The following MASTL variants were observed in gnomAD, a reference collection of about 807,000 sequenced individuals.
MASTL encodes microtubule associated serine/threonine kinase like.
MASTL carries 54 observed loss-of-function variants against 82.5 expected under a neutral mutation model. That is an observed-to-expected ratio of 0.65 (90% confidence interval 0.53 to 0.82). The LOEUF (loss-of-function observed/expected upper bound fraction) is 0.82, where lower values mean the gene tolerates loss of function less well. MASTL is among the 40% of genes least tolerant of loss of function. The probability of loss-of-function intolerance (pLI) is 0.00; values close to 1 mark genes in which losing one functional copy is unlikely to be tolerated. For synonymous variants in MASTL, 323 were observed against 368.9 expected (o/e 0.88, Z 1.43); for missense variants, 950 against 1,047.8 (o/e 0.91, Z 1.29).
chr10:27,168,410 T>C (rs533137874), intron 7 of MASTL, among the ~76,000 whole-genome samples: 5 of 152,180 alleles, frequency 3.3e-5, no homozygotes, highest in Non-Finnish European at 7.3e-5. Flanking sequence ...ATTATAGTGG[T>C]GCTTCTCAAG....
intron 9 of MASTL, among the ~76,000 whole-genome samples, chr10:27,174,886 T>G (rs574904976): frequency 6.6e-6 from 1 of 152,152 alleles, no homozygotes; most frequent in Non-Finnish European, 1.5e-5. Context: ...ATAGCTTTTT[T>G]GGGAGGGACA....
chr10:27,162,713 C>T (rs934509166), intron 4 of MASTL, among the ~76,000 whole-genome samples: 8 of 151,538 alleles, frequency 5.3e-5, no homozygotes, highest in African/African-American at 9.7e-5. Flanking sequence ...AAAGTGTAGA[C>T]GGATGGGAAA....
upstream of MASTL, chr10:27,155,228 G>A: frequency 3.3e-6 from 2 of 611,144 alleles, no homozygotes; most frequent in Non-Finnish European, 5.7e-6. Flanking sequence ...CACGAAGAGT[G>A]TAAGGCTGCG....
upstream of MASTL, chr10:27,155,320 G>A: frequency 8.3e-7 from 1 of 1,205,818 alleles, no homozygotes; most frequent in Non-Finnish European, 1.1e-6. Flanking sequence ...GCGGGGTGAC[G>A]TCACGGCCGC....
chr10:27,160,751 CAAAAAAAAAAAGA>C (rs1039006676), intron 3 of MASTL, among the ~76,000 whole-genome samples: 2 of 112,280 alleles, frequency 1.8e-5, no homozygotes, highest in African/African-American at 6.3e-5. Context: ...AACTCCATCT[CAAAAAAAAAAAGA>C]AAAGAAAAAA....
At chr10:27,178,566 C>T (rs11015586) in intron 9 of MASTL, among the ~76,000 whole-genome samples, 72,397 of 151,446 alleles carry the variant, frequency 0.48, 20,586 homozygotes, top group Non-Finnish European at 0.64. Flanking sequence ...TGTTCTTTTT[C>T]TGTGGCTAAT....
chr10:27,184,509 T>C (rs916689903), intron 11 of MASTL, among the ~76,000 whole-genome samples: 3 of 151,924 alleles, frequency 2.0e-5, no homozygotes, highest in Admixed American at 6.6e-5. Flanking sequence ...ATGCAACATA[T>C]TGGTCAGATT....
rs368217553 is a variant in MASTL at position 27,165,501 on chromosome 10, A to C, written c.773A>C (p.Lys258Thr). The change falls in exon 6 of 12, where the codon AAG becomes ACG. Residue 258 changes from lysine (K) to threonine (T), a missense_variant. Physicochemically the swap from Lys to Thr is moderately conservative, Grantham distance 78. Transcript: ENST00000375940. Reference sequence around the variant, plus strand: ...GTATGCCCTATGTCTGTAGATCAAAAGGACACTACGCCTTATTCTAGCAAA... The same window carrying C: ...GTATGCCCTATGTCTGTAGATCAAACGGACACTACGCCTTATTCTAGCAAA... ...GLVCPMSVDQ[K>T]DTTPYSSKLL... The C allele has an allele frequency of 1.7e-5, 27 of 1,614,072 alleles. No homozygotes were observed. In the South Asian group the frequency reaches 1.9e-4, roughly 11 times the overall value.
chr10:27,175,213 G>T (rs2058067536), intron 9 of MASTL, among the ~76,000 whole-genome samples: 1 of 151,194 alleles, frequency 6.6e-6, no homozygotes, highest in South Asian at 2.1e-4. Flanking sequence ...ATGGAGTTTT[G>T]CTCTTGTTGC....
rs1397485722 is a variant in MASTL, at chr10:27,181,554, G to C, written c.2455G>C (p.Asp819His). The C allele has an allele frequency of 6.2e-7, 1 of 1,611,932 alleles. No homozygotes were observed. The highest frequency in any genetic ancestry group is 1.1e-5 in the South Asian group (1 of 91,018). The change falls in exon 11 of 12, where the codon GAT becomes CAT. Residue 819 changes from aspartate to histidine, a missense_variant. Asp to His is a moderately conservative substitution (Grantham distance 81). Coordinates refer to ENST00000375940, the MANE Select transcript of MASTL (RefSeq NM_001172303.3). ...TGCAGTAGAAATACTTTTAACCATTGATGATACAAAGAGAGCTGGAATGAA... is the reference window on the plus strand; with the variant it reads ...TGCAGTAGAAATACTTTTAACCATTCATGATACAAAGAGAGCTGGAATGAA... ...QSAVEILLTI[D>H]DTKRAGMKEL... is the part of the protein sequence containing the mutation.
chr10:27,155,224 G>C (rs1292733829), upstream of MASTL: 50 of 599,250 alleles, frequency 8.3e-5, no homozygotes, highest in East Asian at 1.4e-3. Flanking sequence ...CGCCCACGAA[G>C]AGTGTAAGGC....
intron 1 of MASTL, 100 bp from the exon 2 acceptor site, chr10:27,158,449 A>T: frequency 1.1e-6 from 1 of 950,948 alleles, no homozygotes; most frequent in South Asian, 1.4e-5. Context: ...CAAGGCTGCA[A>T]TAAGCTTTGA....
At chr10:27,178,509 T>G (rs1047187238) in intron 9 of MASTL, among the ~76,000 whole-genome samples, 27 of 152,048 alleles carry the variant, frequency 1.8e-4, no homozygotes, top group African/African-American at 6.5e-4. Context: ...CCCTATAAAC[T>G]AAAGAAATGA....
At chr10:27,154,568 C>G, upstream of MASTL, 1 of 383,870 alleles carries the variant, frequency 2.6e-6, no homozygotes, top group Non-Finnish European at 4.6e-6. Flanking sequence ...TGGACTTTTT[C>G]TTCGTTTTTT....
At chr10:27,181,441 C>T (rs1467798238) in intron 10 of MASTL, 39 bp from the exon 11 acceptor site, 2 of 1,350,756 alleles carry the variant, frequency 1.5e-6, no homozygotes, top group Admixed American at 1.7e-5. Context: ...TTATTTTGAG[C>T]AGTAATAAAC....
chr10:27,164,122 A>G (rs891945484), intron 4 of MASTL, among the ~76,000 whole-genome samples: 9 of 152,116 alleles, frequency 5.9e-5, no homozygotes, highest in African/African-American at 1.2e-4. Flanking sequence ...AAAAAGTCCT[A>G]TAAGAACATT....
At chr10:27,186,282 G>C in intron 11 of MASTL, 97 bp from the exon 12 acceptor site, 1 of 1,227,010 alleles carries the variant, frequency 8.1e-7, no homozygotes, top group Non-Finnish European at 1.2e-6. Flanking sequence ...AGTAAGGTAA[G>C]TTATATGTGA....
At chr10:27,173,353 T>A in intron 9 of MASTL, 94 bp downstream of exon 9, 1 of 1,392,104 alleles carries the variant, frequency 7.2e-7, no homozygotes, top group Non-Finnish European at 1.0e-6. Flanking sequence ...GTACTTACGT[T>A]ACCTAAAGTA....
chr10:27,166,286 C>T (rs1220460840), intron 6 of MASTL, among the ~76,000 whole-genome samples: 1 of 152,104 alleles, frequency 6.6e-6, no homozygotes, highest in African/African-American at 2.4e-5. Flanking sequence ...GTATAATTGA[C>T]ATTTGTAAGC....
Sources: allele counts gnomAD v4.1 joint callset (sites outside exome capture counted in the v4.1 genomes callset), GRCh38; gene constraint gnomAD v4.1.1; transcripts MANE v1.5; gene names NCBI Gene and HGNC (gene_info 2026-07-23, HGNC 2026-07-21).